Variants in SUSD4 observed in about 807,000 individuals in gnomAD.
SUSD4 encodes the protein sushi domain-containing protein 4.
Under a neutral mutation model 50.5 loss-of-function variants are expected in SUSD4, and 41 were observed. The ratio of observed to expected loss-of-function variants is 0.81; its 90% CI spans 0.63 to 1.05. The LOEUF is 1.05. Ranked by LOEUF, SUSD4 falls within the 50% of genes least tolerant of loss-of-function variation. SUSD4 has a pLI of 0.00. For synonymous variants in SUSD4, 257 were observed against 257.3 expected (o/e 1.00, Z 0.01); for missense variants, 580 against 634.7 (o/e 0.91, Z 0.93).
At chr1:223,256,484 T>G (rs1661700534) in intron 5 of SUSD4, among the ~76,000 whole-genome samples, 1 of 152,182 alleles carries the variant, frequency 6.6e-6, no homozygotes, top group South Asian at 2.1e-4. Context: ...ACACATCTCT[T>G]CCTTTCCTGC....
intron 2 of SUSD4, among the ~76,000 whole-genome samples, chr1:223,330,624 C>G (rs1414525636): frequency 6.6e-6 from 1 of 152,180 alleles, no homozygotes. Flanking sequence ...GCTCTCTCTC[C>G]TGGCATTAAT....
intron 5 of SUSD4, among the ~76,000 whole-genome samples, chr1:223,259,283 C>T (rs1421457465): frequency 6.6e-6 from 1 of 152,162 alleles, no homozygotes; most frequent in East Asian, 1.9e-4. Flanking sequence ...TTGATTGGTC[C>T]TTTCTAAACT....
chr1:223,331,804 C>G (rs1667191519), intron 2 of SUSD4, among the ~76,000 whole-genome samples: 1 of 152,198 alleles, frequency 6.6e-6, no homozygotes, highest in African/African-American at 2.4e-5. Flanking sequence ...GTGGTGTCAA[C>G]TCAGAGATGC....
intron 2 of SUSD4, among the ~76,000 whole-genome samples, chr1:223,330,054 T>C (rs1478633441): frequency 6.6e-6 from 1 of 152,252 alleles, no homozygotes; most frequent in Admixed American, 6.5e-5. Flanking sequence ...AATAAGTGTA[T>C]AGATGGAAGG....
At chr1:223,258,320 G>A (rs1288463530) in intron 5 of SUSD4, among the ~76,000 whole-genome samples, 3 of 152,208 alleles carry the variant, frequency 2.0e-5, no homozygotes, top group Non-Finnish European at 2.9e-5. Context: ...AACCTTTCAA[G>A]TCATTTCACA....
intron 7 of SUSD4, among the ~76,000 whole-genome samples, chr1:223,225,368 A>G (rs1261857981): frequency 1.3e-5 from 2 of 152,154 alleles, no homozygotes; most frequent in Non-Finnish European, 1.5e-5. Context: ...CTAAAGCTCA[A>G]GTCCACTGAC....
At chr1:223,272,557 A>C (rs1662990837) in intron 3 of SUSD4, among the ~76,000 whole-genome samples, 1 of 152,232 alleles carries the variant, frequency 6.6e-6, no homozygotes, top group East Asian at 1.9e-4. Context: ...TGTGCCATAC[A>C]TAGGATTTAC....
rs538660140 is a variant in SUSD4, at chr1:223,325,335, A to C, written c.149-32684T>G. ...GAAAAGACATGATTCTAACAGAAATATATCGAGAGTGATGGGGAGATTAAT... is the reference window on the plus strand; with the variant it reads ...GAAAAGACATGATTCTAACAGAAATCTATCGAGAGTGATGGGGAGATTAAT... On this transcript the variant is annotated intron_variant, in intron 2 of 8. Coordinates refer to ENST00000366878, the MANE Select transcript of SUSD4 (RefSeq NM_017982.4). Among the ~76,000 whole-genome samples, 5 of 152,356 alleles carry C rather than the reference A, an allele frequency of 3.3e-5. No homozygotes were observed. In the East Asian group the frequency reaches 9.6e-4, roughly 29 times the overall value.
In SUSD4 at chr1:223,268,580, T is replaced by A. The variant is rs1204197078; in HGVS notation, c.457A>T (p.Ile153Phe). The change falls in exon 4 of 9, where the codon ATC (isoleucine) becomes TTC (phenylalanine). Residue 153 changes from isoleucine to phenylalanine, a missense_variant. Physicochemically the swap from Ile to Phe is conservative, Grantham distance 21. Transcript: ENST00000366878. ...LIITCHEGFKIRYPDLHNMVS... is the reference protein window; with the variant it reads ...LIITCHEGFKFRYPDLHNMVS... ...ATATTGTGTAGGTCGGGGTACCGGATCTTGAATCCTTCATGACAAGTGATG... is the reference window on the plus strand; with the variant it reads ...ATATTGTGTAGGTCGGGGTACCGGAACTTGAATCCTTCATGACAAGTGATG... 3 of 1,610,838 alleles carry A rather than the reference T, an allele frequency of 1.9e-6. No individual in the cohort carries two copies. In the Admixed American group the frequency reaches 5.0e-5, roughly 27 times the overall value.
At chr1:223,235,614 G>A (rs1433902805) in intron 5 of SUSD4, among the ~76,000 whole-genome samples, 1 of 149,090 alleles carries the variant, frequency 6.7e-6, no homozygotes, top group Non-Finnish European at 1.5e-5. Flanking sequence ...GAATAGGACA[G>A]TATATAGCCC....
At chr1:223,286,168 T>G (rs933232766) in intron 3 of SUSD4, among the ~76,000 whole-genome samples, 1 of 152,086 alleles carries the variant, frequency 6.6e-6, no homozygotes. Flanking sequence ...CAGGCTGGAG[T>G]GCAGTGGCGC....
intron 3 of SUSD4, among the ~76,000 whole-genome samples, chr1:223,274,605 G>A (rs1434014489): frequency 6.6e-6 from 1 of 152,172 alleles, no homozygotes; most frequent in Non-Finnish European, 1.5e-5. Context: ...TAGTGTCTTT[G>A]TCTGGTGCAT....
At chr1:223,254,063 T>A (rs527481216) in intron 5 of SUSD4, among the ~76,000 whole-genome samples, 1 of 152,312 alleles carries the variant, frequency 6.6e-6, no homozygotes, top group East Asian at 1.9e-4. Context: ...GAAAGGGACA[T>A]GTTCTCCACC....
chr1:223,289,698 T>G (rs1468116626), intron 3 of SUSD4, among the ~76,000 whole-genome samples: 1 of 152,190 alleles, frequency 6.6e-6, no homozygotes, highest in East Asian at 1.9e-4. Context: ...TCTTACCTTA[T>G]TTGAGACTCA....
chr1:223,226,325 A>G (rs1484836102), intron 7 of SUSD4, among the ~76,000 whole-genome samples: 2 of 152,254 alleles, frequency 1.3e-5, no homozygotes, highest in Admixed American at 1.3e-4. Flanking sequence ...CTATGGCACC[A>G]GGATGGCACT....
intron 2 of SUSD4, among the ~76,000 whole-genome samples, chr1:223,308,804 C>T (rs1166447690): frequency 1.3e-5 from 2 of 152,086 alleles, no homozygotes; most frequent in Non-Finnish European, 2.9e-5. Context: ...GCAAAACAAT[C>T]CTCTGAGGTG....
At chr1:223,235,533 C>T (rs1660162914) in intron 5 of SUSD4, among the ~76,000 whole-genome samples, 1 of 151,486 alleles carries the variant, frequency 6.6e-6, no homozygotes, top group Admixed American at 6.6e-5. Flanking sequence ...CACCCACCCC[C>T]AAACCCCCAA....
intron 2 of SUSD4, among the ~76,000 whole-genome samples, chr1:223,300,230 G>T (rs1490673503): frequency 1.3e-5 from 2 of 152,138 alleles, no homozygotes; most frequent in African/African-American, 4.8e-5. Context: ...TTCCTGCCCA[G>T]CATTTGTGAC....
At chr1:223,285,895 C>T (rs923527985) in intron 3 of SUSD4, among the ~76,000 whole-genome samples, 18 of 152,180 alleles carry the variant, frequency 1.2e-4, no homozygotes, top group African/African-American at 3.6e-4. Context: ...GGGTACTAGG[C>T]TTGTTATGTA....
Sources: gnomAD v4.1 joint callset for allele counts (sites outside exome capture counted in the v4.1 genomes callset) on GRCh38, gnomAD v4.1.1 for gene constraint, MANE v1.5 for transcripts, NCBI Gene and HGNC (gene_info 2026-07-23, HGNC 2026-07-21) for gene names.